Variants in PPP2R2B observed in about 807,000 individuals in gnomAD.
The protein encoded by PPP2R2B is protein phosphatase 2 regulatory subunit Bbeta.
Under a neutral mutation model 46.0 loss-of-function variants are expected in PPP2R2B, and 5 were observed. That is an observed-to-expected ratio of 0.11 (90% confidence interval 0.06 to 0.23). PPP2R2B has a LOEUF of 0.23. PPP2R2B is among the 10% of genes least tolerant of loss of function. PPP2R2B has a pLI of 1.00. For synonymous variants in PPP2R2B, 215 were observed against 206.7 expected (o/e 1.04, Z -0.34); for missense variants, 367 against 575.0 (o/e 0.64, Z 3.70).
At chr5:146,694,908 G>A (rs1444061631) in intron 4 of PPP2R2B, among the ~76,000 whole-genome samples, 2 of 151,874 alleles carry the variant, frequency 1.3e-5, no homozygotes, top group Non-Finnish European at 2.9e-5. Flanking sequence ...CTATACCAAC[G>A]TCTATCCCTG....
At chr5:146,730,956 G>A (rs1223875865) in intron 2 of PPP2R2B, among the ~76,000 whole-genome samples, 1 of 152,176 alleles carries the variant, frequency 6.6e-6, no homozygotes, top group African/African-American at 2.4e-5. Flanking sequence ...AGAAACCGAT[G>A]AGGCCTTCGA....
At chr5:147,004,833 C>A (rs1754360003) in intron 1 of PPP2R2B, among the ~76,000 whole-genome samples, 2 of 152,150 alleles carry the variant, frequency 1.3e-5, no homozygotes, top group Admixed American at 6.5e-5. Flanking sequence ...CTTACTCAGA[C>A]TCGTGGGACA....
chr5:146,621,262 G>A (rs930893630), intron 7 of PPP2R2B, among the ~76,000 whole-genome samples: 12 of 152,200 alleles, frequency 7.9e-5, no homozygotes, highest in African/African-American at 2.4e-4. Flanking sequence ...TGCAAACATC[G>A]AGTAGTGATA....
intron 1 of PPP2R2B, among the ~76,000 whole-genome samples, chr5:146,988,617 A>T (rs1177144615): frequency 7.9e-5 from 12 of 151,996 alleles, no homozygotes; most frequent in Admixed American, 7.9e-4. Context: ...CAGTAAAAAC[A>T]GTTTGGAAAG....
At chr5:146,960,393 G>A (rs1052290823) in intron 1 of PPP2R2B, among the ~76,000 whole-genome samples, 1 of 152,040 alleles carries the variant, frequency 6.6e-6, no homozygotes, top group Non-Finnish European at 1.5e-5. Context: ...GGATTCAAGC[G>A]ATTCTCCCAC....
chr5:146,861,897 A>G (rs1761028400), intron 2 of PPP2R2B, among the ~76,000 whole-genome samples: 1 of 147,566 alleles, frequency 6.8e-6, no homozygotes, highest in Non-Finnish European at 1.5e-5. Context: ...TCCCCCTCAT[A>G]GCCAATATTA....
At position 146,600,207 on chromosome 5, in the gene PPP2R2B, C is replaced by G. The variant is rs1312585265; in HGVS notation, c.960+84G>C. On this transcript the variant is annotated intron_variant, in intron 8 of 9. Coordinates refer to ENST00000394411, the MANE Select transcript of PPP2R2B (RefSeq NM_181675.4). ...ATGCATTGCCTTCCATTTTGCTGCA[C>G]TGTAAACCTTTGGAAGCAGGGGCTG... is the stretch of plus-strand genomic sequence containing the variant. 2.0e-6 allele frequency: 3 copies of G among 1,476,606 alleles called. No individual in the cohort carries two copies. In the African/African-American group the frequency reaches 4.2e-5, roughly 21 times the overall value. The allele number at this position is 1,476,606 out of a possible 1,614,324, so 91.5% of individuals were successfully genotyped here. A position where few individuals can be genotyped will look rare whatever the true frequency, so the allele number is the denominator to read the frequency against.
At chr5:146,705,182 T>C (rs1484645534) in intron 2 of PPP2R2B, among the ~76,000 whole-genome samples, 1 of 152,192 alleles carries the variant, frequency 6.6e-6, no homozygotes, top group Non-Finnish European at 1.5e-5. Context: ...ATCTTTCATC[T>C]AAGAAACATT....
At chr5:146,820,806 A>C (rs1758209761) in intron 2 of PPP2R2B, among the ~76,000 whole-genome samples, 1 of 152,172 alleles carries the variant, frequency 6.6e-6, no homozygotes, top group Non-Finnish European at 1.5e-5. Context: ...CTAGGACTCC[A>C]TCCGTCAAAT....
intron 9 of PPP2R2B, 42 bp from the exon 10 acceptor site, chr5:146,590,268 C>CT (rs1273092154): frequency 6.8e-7 from 1 of 1,479,214 alleles, no homozygotes; most frequent in Non-Finnish European, 9.0e-7. Context: ...TCTTCACTGT[C>CT]TTTTCTTTTT....
intron 1 of PPP2R2B, among the ~76,000 whole-genome samples, chr5:147,023,137 G>A (rs1214776649): frequency 6.6e-6 from 1 of 152,120 alleles, no homozygotes; most frequent in Non-Finnish European, 1.5e-5. Flanking sequence ...CATATATCAT[G>A]TGTAGAAATA....
chr5:146,980,804 A>T (rs1197749170), intron 1 of PPP2R2B, among the ~76,000 whole-genome samples: 1 of 151,790 alleles, frequency 6.6e-6, no homozygotes, highest in Non-Finnish European at 1.5e-5. Flanking sequence ...ATGTGTAGAT[A>T]CAAGATTTCA....
intron 2 of PPP2R2B, among the ~76,000 whole-genome samples, chr5:146,756,085 T>A (rs563950403): frequency 1.2e-4 from 18 of 152,346 alleles, no homozygotes; most frequent in South Asian, 4.1e-4. Flanking sequence ...TTCAGGATGA[T>A]GGGAAGGAAC....
intron 7 of PPP2R2B, 39 bp downstream of exon 7, chr5:146,638,212 A>G (rs1348808277): frequency 1.9e-6 from 3 of 1,593,312 alleles, no homozygotes; most frequent in Non-Finnish European, 2.6e-6. Flanking sequence ...CATTGGGGCC[A>G]GTGGCCATGC....
intron 1 of PPP2R2B, among the ~76,000 whole-genome samples, chr5:146,983,471 C>T (rs567308786): frequency 2.0e-5 from 3 of 152,124 alleles, no homozygotes; most frequent in Non-Finnish European, 4.4e-5. Flanking sequence ...TGAGCCACTG[C>T]ACCCGGCCCA....
intron 2 of PPP2R2B, among the ~76,000 whole-genome samples, chr5:146,709,468 C>A (rs1159562780): frequency 6.6e-6 from 1 of 152,170 alleles, no homozygotes; most frequent in Non-Finnish European, 1.5e-5. Context: ...TCCCTTGTGG[C>A]TAGGGGTAAT....
intron 2 of PPP2R2B, among the ~76,000 whole-genome samples, chr5:146,780,261 G>A (rs1755430926): frequency 6.6e-6 from 1 of 152,172 alleles, no homozygotes; most frequent in Non-Finnish European, 1.5e-5. Context: ...GACTGCATGA[G>A]TCAATGAATT....
chr5:146,793,045 T>C (rs1053989480), intron 2 of PPP2R2B, among the ~76,000 whole-genome samples: 1 of 152,216 alleles, frequency 6.6e-6, no homozygotes, highest in Admixed American at 6.5e-5. Flanking sequence ...GTATGTTAGA[T>C]ACTTGCTTGC....
At chr5:146,853,923 ATGTCATTT>A (rs1760495937) in intron 2 of PPP2R2B, among the ~76,000 whole-genome samples, 1 of 151,716 alleles carries the variant, frequency 6.6e-6, no homozygotes, top group South Asian at 2.1e-4. Flanking sequence ...GAGCCCTCTT[ATGTCATTT>A]CACATTCTCT....
Sources: allele counts gnomAD v4.1 joint callset (sites outside exome capture counted in the v4.1 genomes callset), GRCh38; gene constraint gnomAD v4.1.1; transcripts MANE v1.5; gene names NCBI Gene and HGNC (gene_info 2026-07-23, HGNC 2026-07-21).